BAG6: variants seen among roughly 807,000 people sequenced by gnomAD.
BAG6 encodes the protein BAG cochaperone 6.
Under a neutral mutation model 121.0 loss-of-function variants are expected in BAG6, and 22 were observed. That is an observed-to-expected ratio of 0.18 (90% CI 0.13 to 0.26). BAG6 has a LOEUF of 0.26. Ranked by LOEUF, BAG6 falls within the 10% of genes least tolerant of loss-of-function variation. The pLI, the probability that BAG6 is intolerant of heterozygous loss-of-function variation, is 1.00. For missense variants in BAG6, 1,233 were observed against 1,537.7 expected, an observed-to-expected ratio of 0.80 and a Z score of 3.31; for synonymous variants, 583 against 584.6, an observed-to-expected ratio of 1.00 and a Z score of 0.04.
chr6:31,642,359 TGGGGGTGGAGGAGGTGGGGGTGGTGGA>T lies in BAG6; in HGVS notation c.2061_2087del (p.Pro690_Pro698del). Reference sequence around the variant, plus strand: ...TGGTCTGCTGCTCTGGGGCAGGTGGTGGGGGTGGAGGAGGTGGGGGTGGTGGAGGGGCTGTCTGTGTTGCCTGGCAAA... The same window carrying T: ...TGGTCTGCTGCTCTGGGGCAGGTGGTGGGGCTGTCTGTGTTGCCTGGCAAA... On this transcript the variant is annotated inframe_deletion, in exon 16 of 26. Transcript: ENST00000676615. 2 of 315,260 alleles carry T rather than the reference TGGGGGTGGAGGAGGTGGGGGTGGTGGA, an allele frequency of 6.3e-6. No homozygotes were observed. The highest frequency in any genetic ancestry group is 9.0e-6 in the Non-Finnish European group (2 of 222,812). 19.5% of individuals were successfully genotyped at this position (315,260 alleles called of 1,614,324 possible).
In BAG6 at chr6:31,647,836, G is replaced by A; in HGVS notation, c.553-10C>T. The A allele has an allele frequency of 2.0e-6, 3 of 1,527,486 alleles. No homozygotes were observed. Among genetic ancestry groups the A allele is most frequent in the Non-Finnish European group, 8.8e-7 (1 of 1,141,944 alleles). The allele number at this position is 1,527,486 out of a possible 1,614,324, so 94.6% of individuals were successfully genotyped here. On this transcript the variant is annotated splice_polypyrimidine_tract_variant and intron_variant, in intron 6 of 25. Coordinates refer to ENST00000676615, the MANE Select transcript of BAG6 (RefSeq NM_001387994.1). ...GGGGCCCTCCTCGACACTGAAGGTA[G>A]GGGAGAGTCAGGATACCAAAGGCAG...
At position 31,641,801 on chromosome 6, in the gene BAG6, T is replaced by A; in HGVS notation, c.2480A>T (p.Gln827Leu). The change falls in exon 17 of 26, where the codon CAG becomes CTG. Residue 827 changes from glutamine to leucine, a missense_variant. Gln to Leu is a moderately radical substitution (Grantham distance 113). Coordinates refer to ENST00000676615, the MANE Select transcript of BAG6 (RefSeq NM_001387994.1). The surrounding 1 kb of genome is among the most constrained non-coding windows in gnomAD (Gnocchi z 5.7). ...SFFHQHYLGGQEPTPSNIRMA... is the reference protein window; with the variant it reads ...SFFHQHYLGGLEPTPSNIRMA... ...CCGGATGTTACTGGGTGTGGGCTCC[T>A]GACCACCCAGGTAGTGCTGGTGGAA... The A allele has an allele frequency of 1.9e-6, 3 of 1,613,178 alleles. No homozygotes were observed. The highest frequency in any genetic ancestry group is 2.5e-6 in the Non-Finnish European group (3 of 1,180,012).
At chr6:31,651,035 G>A (rs1315434477) in intron 2 of BAG6, among the ~76,000 whole-genome samples, 3 of 152,184 alleles carry the variant, frequency 2.0e-5, no homozygotes, top group East Asian at 1.9e-4. Flanking sequence ...ACTTGCTTAG[G>A]GTTCCTGTGC....
chr6:31,646,279 C>G, intron 8 of BAG6, 115 bp downstream of exon 8: 1 of 1,460,806 alleles, frequency 6.8e-7, no homozygotes, highest in Non-Finnish European at 9.2e-7. Context: ...AGCCACTGCA[C>G]CTGGCCCTGT....
In BAG6 at chr6:31,644,680, A is replaced by G. The variant is rs1469251210; in HGVS notation, c.1370-78T>C. 8.3e-6 allele frequency: 12 copies of G among 1,450,728 alleles called. No individual in the cohort carries two copies. Among genetic ancestry groups the G allele is most frequent in the Non-Finnish European group, 1.2e-5 (12 of 1,042,266 alleles). 89.9% of individuals were successfully genotyped at this position (1,450,728 alleles called of 1,614,324 possible). A position where few individuals can be genotyped will look rare whatever the true frequency, so the allele number is the denominator to read the frequency against. The stretch of plus-strand genomic sequence containing the variant: ...ACTATATCCTTCTGAGATCAGGCAT[A>G]CTTCAGGCCCATAATCCCCCAATCA... On this transcript the variant is annotated intron_variant, in intron 10 of 25. Transcript: ENST00000676615. The surrounding 1 kb of genome is among the most constrained non-coding windows in gnomAD (Gnocchi z 4.9).
At chr6:31,646,017 G>A (rs1788786814) in intron 8 of BAG6, among the ~76,000 whole-genome samples, 1 of 152,084 alleles carries the variant, frequency 6.6e-6, no homozygotes, top group Non-Finnish European at 1.5e-5. Flanking sequence ...AGACAGTCTC[G>A]CTCTGTCACC....
rs759860614 is a variant in BAG6, at chr6:31,644,502, T to G, written c.1447+23A>C. On this transcript the variant is annotated intron_variant, in intron 11 of 25. Transcript: ENST00000676615. This position sits in a 1 kb window ranked among gnomAD's most constrained non-coding sequence, Gnocchi z 4.9. Reference sequence around the variant, plus strand: ...CCCTTTCTCTACCCAGAGCTCAGCCTGCCCTGATGCCCTCACTCTTACCCA... The same window carrying G: ...CCCTTTCTCTACCCAGAGCTCAGCCGGCCCTGATGCCCTCACTCTTACCCA... 6.2e-7 allele frequency: 1 copy of G among 1,600,526 alleles called. No homozygotes were observed. The highest frequency in any genetic ancestry group is 8.5e-7 in the Non-Finnish European group (1 of 1,173,926).
At chr6:31,650,826 G>A (rs1388359482) in intron 2 of BAG6, among the ~76,000 whole-genome samples, 1 of 152,098 alleles carries the variant, frequency 6.6e-6, no homozygotes, top group Non-Finnish European at 1.5e-5. Flanking sequence ...CACCCCACAT[G>A]CAATTTGTCT....
intron 7 of BAG6, among the ~76,000 whole-genome samples, 164 bp downstream of exon 7, chr6:31,647,427 A>G (rs2150936494): frequency 6.6e-6 from 1 of 152,242 alleles, no homozygotes; most frequent in East Asian, 1.9e-4. Flanking sequence ...TGCCTGTCCT[A>G]GCGTCATTTA....
In BAG6 at chr6:31,644,775, G is replaced by A; in HGVS notation, c.1369+171C>T. ...TTCACCACACAAACACACCTCCAAA[G>A]ACAAACCAACCCCCACACCCCCCAC... On this transcript the variant is annotated intron_variant, in intron 10 of 25. Coordinates refer to ENST00000676615, the MANE Select transcript of BAG6 (RefSeq NM_001387994.1). The surrounding 1 kb of genome is among the most constrained non-coding windows in gnomAD (Gnocchi z 4.9). The A allele has an allele frequency of 2.3e-6, 3 of 1,311,166 alleles. No individual in the cohort carries two copies. In the South Asian group the frequency reaches 3.8e-5, roughly 17 times the overall value. The allele number at this position is 1,311,166 out of a possible 1,614,324, so 81.2% of individuals were successfully genotyped here.
chr6:31,647,880 G>A (rs762872141), intron 6 of BAG6, 54 bp from the exon 7 acceptor site: 2 of 1,497,842 alleles, frequency 1.3e-6, no homozygotes, highest in East Asian at 2.4e-5. Context: ...TGCTGCAGAG[G>A]ATTACTCTAC....
Position 31,644,428 on chromosome 6 carries a change from C to T in BAG6, c.1448-14G>A. 6.4e-7 allele frequency: 1 copy of T among 1,550,686 alleles called. No individual in the cohort carries two copies. Among genetic ancestry groups the T allele is most frequent in the Non-Finnish European group, 8.7e-7 (1 of 1,146,446 alleles). On this transcript the variant is annotated splice_polypyrimidine_tract_variant and intron_variant, in intron 11 of 25. Coordinates refer to ENST00000676615, the MANE Select transcript of BAG6 (RefSeq NM_001387994.1). This position sits in a 1 kb window ranked among gnomAD's most constrained non-coding sequence, Gnocchi z 4.9. ...TGAGGGTGGAGCCTGGGGGGCGGGTCTGATGTAACCTTGAACCTGGACCCC... is the reference window on the plus strand; with the variant it reads ...TGAGGGTGGAGCCTGGGGGGCGGGTTTGATGTAACCTTGAACCTGGACCCC...
In BAG6 at chr6:31,640,925, C is replaced by T. The variant is rs891918045; in HGVS notation, c.2801G>A (p.Arg934His). The change falls in exon 21 of 26, where the codon CGT becomes CAT. Residue 934 changes from arginine (R) to histidine (H), a missense_variant. Coordinates refer to ENST00000676615, the MANE Select transcript of BAG6 (RefSeq NM_001387994.1). The surrounding 1 kb of genome is among the most constrained non-coding windows in gnomAD (Gnocchi z 4.2). ...GCTCACCAAGGAGGGATTCACCCCA[C>T]GAGACATACGACGCTGAGGGACAGA... Reference protein sequence around the residue: ...VINGRIRRMSRGVNPSLVSWL... With the variant: ...VINGRIRRMSHGVNPSLVSWL... 55 of 1,612,582 alleles carry T rather than the reference C, an allele frequency of 3.4e-5. No homozygotes were observed. The highest frequency in any genetic ancestry group is 4.7e-5 in the Non-Finnish European group (55 of 1,179,950).
chr6:31,650,629 C>A (rs1795381904), intron 2 of BAG6, among the ~76,000 whole-genome samples: 1 of 151,202 alleles, frequency 6.6e-6, no homozygotes, highest in African/African-American at 2.4e-5. Flanking sequence ...TGCGCCCCAG[C>A]CCTCCATCCT....
Position 31,644,179 on chromosome 6 carries a change from C to G in BAG6, c.1571G>C (p.Gly524Ala), listed in dbSNP as rs754183102. The change falls in exon 13 of 26, where the codon GGC (glycine) becomes GCC (alanine). Residue 524 changes from glycine to alanine, a missense_variant. Physicochemically the swap from Gly to Ala is moderately conservative, Grantham distance 60 (BLOSUM62 0). Coordinates refer to ENST00000676615, the MANE Select transcript of BAG6 (RefSeq NM_001387994.1). The surrounding 1 kb of genome is among the most constrained non-coding windows in gnomAD (Gnocchi z 4.9). ...ASAAAGQQVPGFPTAPTRVVI... is the reference protein window; with the variant it reads ...ASAAAGQQVPAFPTAPTRVVI... ...CACCCGGGTTGGAGCTGTTGGGAAG[C>G]CTGGCACCTGCTGTCCTGTGGGTGG... 4.3e-6 allele frequency: 7 copies of G among 1,613,584 alleles called. No homozygotes were observed. Among genetic ancestry groups the G allele is most frequent in the East Asian group, 2.2e-5 (1 of 44,882 alleles).
Position 31,641,049 on chromosome 6 carries a change from G to A in BAG6, c.2787+55C>T. 6.2e-7 allele frequency: 1 copy of A among 1,605,312 alleles called. No homozygotes were observed. The highest frequency in any genetic ancestry group is 8.5e-7 in the Non-Finnish European group (1 of 1,175,280). ...AGAAAAGAAAAATGAAAACTGCAGAGAATGGAAACCTCAGGAAACAAAAGG... is the reference window on the plus strand; with the variant it reads ...AGAAAAGAAAAATGAAAACTGCAGAAAATGGAAACCTCAGGAAACAAAAGG... On this transcript the variant is annotated intron_variant, in intron 20 of 25. Coordinates refer to ENST00000676615, the MANE Select transcript of BAG6 (RefSeq NM_001387994.1). This position sits in a 1 kb window ranked among gnomAD's most constrained non-coding sequence, Gnocchi z 5.7.
Position 31,642,204 on chromosome 6 carries a change from G to A in BAG6, c.2243C>T (p.Ala748Val). The A allele has an allele frequency of 6.2e-7, 1 of 1,612,926 alleles. No homozygotes were observed. Among genetic ancestry groups the A allele is most frequent in the Non-Finnish European group, 8.5e-7 (1 of 1,179,992 alleles). Residue 748 changes from alanine (A) to valine (V), a missense_variant, in exon 16 of 26, where the codon GCT (alanine) becomes GTT (valine). Ala to Val is a moderately conservative substitution (Grantham distance 64, BLOSUM62 0). Coordinates refer to ENST00000676615, the MANE Select transcript of BAG6 (RefSeq NM_001387994.1). ...VLSSLLGSLG[A>V]RAGSSESIAA... ...AATACTTTCACTGCTGCCAGCCCGA[G>A]CCCCCAGGGAGCCCAGCAGGGAGCT...
rs751603358 is a variant in BAG6, at chr6:31,644,533, T to C, written c.1439A>G (p.Gln480Arg). ...TGPLGPPGHG[Q>R]TLGSTLIQLP... Reference sequence around the variant, plus strand: ...GATGCCCTCACTCTTACCCAGGGTTTGGCCATGACCAGGGGGTCCCAGGGG... The same window carrying C: ...GATGCCCTCACTCTTACCCAGGGTTCGGCCATGACCAGGGGGTCCCAGGGG... The change falls in exon 11 of 26, where the codon CAA becomes CGA. Residue 480 changes from glutamine to arginine, a missense_variant. Coordinates refer to ENST00000676615, the MANE Select transcript of BAG6 (RefSeq NM_001387994.1). This position sits in a 1 kb window ranked among gnomAD's most constrained non-coding sequence, Gnocchi z 4.9. 3.7e-6 allele frequency: 6 copies of C among 1,610,528 alleles called. 1 individual carries two copies. The South Asian group carries it at 6.6e-5, about 18-fold the overall frequency.
Position 31,642,883 on chromosome 6 carries a change from A to T in BAG6, c.1989T>A (p.Thr663=). ...GGSGVASPTI[T]VAMPGVPAFL... ...AGGCAGGGACACCAGGCATCGCCAC[A>T]GTGATGGTGGGAGAAGCCACACCAG... Residue 663 remains threonine (T), a synonymous_variant, in exon 15 of 26, where the codon ACT becomes ACA. Transcript: ENST00000676615. The T allele has an allele frequency of 3.7e-6, 6 of 1,612,346 alleles. No homozygotes were observed. Among genetic ancestry groups the T allele is most frequent in the Non-Finnish European group, 3.4e-6 (4 of 1,179,444 alleles).
Sources: gnomAD v4.1 joint callset for allele counts (sites outside exome capture counted in the v4.1 genomes callset) on GRCh38, gnomAD v4.1.1 for gene constraint, Gnocchi (gnomAD v3.1) non-coding constraint, MANE v1.5 for transcripts, NCBI Gene and HGNC (gene_info 2026-07-23, HGNC 2026-07-21) for gene names.